TDP1: variants seen among roughly 807,000 people sequenced by gnomAD.
TDP1 encodes tyr-DNA phosphodiesterase 1.
A neutral mutation model predicts 81.5 loss-of-function variants in TDP1; 64 were observed. The observed-to-expected ratio is 0.79, with a 90% CI of 0.64 to 0.97. TDP1 has a LOEUF of 0.97. Ranked by LOEUF, TDP1 falls within the 50% of genes least tolerant of loss-of-function variation. TDP1 has a pLI of 0.00. For synonymous variants in TDP1, 256 were observed against 264.3 expected, an observed-to-expected ratio of 0.97 and a Z score of 0.30; for missense variants, 723 against 743.8, an observed-to-expected ratio of 0.97 and a Z score of 0.33.
At chr14:89,994,322 G>T (rs116515761) in intron 14 of TDP1, among the ~76,000 whole-genome samples, 27 of 152,286 alleles carry the variant, frequency 1.8e-4, no homozygotes, top group African/African-American at 6.3e-4. Context: ...AATTGTAGGG[G>T]CTGGCAAGTC....
At chr14:89,984,922 A>G in intron 9 of TDP1, 2 of 984,812 alleles carry the variant, frequency 2.0e-6, no homozygotes, top group African/African-American at 3.5e-5. Flanking sequence ...TCTCACAATT[A>G]TTGAGTTCTT....
rs533989568 is a variant in TDP1, at chr14:89,989,154, T to G, written c.1317+64T>G. 2.8e-4 allele frequency: 431 copies of G among 1,542,220 alleles called. 1 individual carries two copies. The African/African-American group carries it at 5.0e-3, about 18-fold the overall frequency. ...CTCTACACAGGAGAAGAATTGAAAA[T>G]TGGTCCTCTTTGTAATGGAGAGATG... is the stretch of plus-strand genomic sequence containing the variant. On this transcript the variant is annotated intron_variant, in intron 11 of 16. Coordinates refer to ENST00000335725, the MANE Select transcript of TDP1 (RefSeq NM_018319.4).
At chr14:89,965,860 T>C in intron 3 of TDP1, 1 of 985,080 alleles carries the variant, frequency 1.0e-6, no homozygotes, top group East Asian at 1.1e-4. Context: ...ATATGTATCA[T>C]TATTGTCCAT....
At chr14:89,965,232 G>A (rs1480526079) in intron 3 of TDP1, among the ~76,000 whole-genome samples, 1 of 151,736 alleles carries the variant, frequency 6.6e-6, no homozygotes, top group African/African-American at 2.4e-5. Flanking sequence ...CAGAAGATAG[G>A]AAGCACTCAG....
In TDP1 at chr14:89,988,895, T is replaced by A. The variant is rs759351712; in HGVS notation, c.1132-10T>A. 1 of 1,614,006 alleles carries A rather than the reference T, an allele frequency of 6.2e-7. No homozygotes were observed. The highest frequency in any genetic ancestry group is 1.1e-5 in the South Asian group (1 of 91,078). ...GAGTCACTTTAACATTCACTTTTAT[T>A]CTTTCCCAGCTTCTGAAAGACCATG... On this transcript the variant is annotated splice_polypyrimidine_tract_variant and intron_variant, in intron 10 of 16. Coordinates refer to ENST00000335725, the MANE Select transcript of TDP1 (RefSeq NM_018319.4).
intron 15 of TDP1, among the ~76,000 whole-genome samples, chr14:90,027,831 A>T (rs1236700713): frequency 1.3e-5 from 2 of 152,198 alleles, no homozygotes; most frequent in Non-Finnish European, 1.5e-5. Flanking sequence ...GTTATAACCC[A>T]TAAAGTGTTT....
intron 15 of TDP1, among the ~76,000 whole-genome samples, chr14:90,027,697 A>G (rs1886827099): frequency 6.6e-6 from 1 of 152,198 alleles, no homozygotes. Context: ...TGAGACAGAG[A>G]GGAGCTAGGA....
intron 3 of TDP1, chr14:89,964,953 G>A: frequency 2.6e-6 from 1 of 380,914 alleles, no homozygotes; most frequent in Non-Finnish European, 5.1e-6. Flanking sequence ...TGACATTCTG[G>A]CATCAGAATC....
At position 89,963,589 on chromosome 14, in the gene TDP1, G is replaced by A; in HGVS notation, c.475G>A (p.Asp159Asn). The A allele has an allele frequency of 6.2e-7, 1 of 1,614,100 alleles. No individual in the cohort carries two copies. Among genetic ancestry groups the A allele is most frequent in the Non-Finnish European group, 8.5e-7 (1 of 1,179,990 alleles). The change falls in exon 3 of 17, where the codon GAT becomes AAT. Residue 159 changes from aspartate to asparagine, a missense_variant. Coordinates refer to ENST00000335725, the MANE Select transcript of TDP1 (RefSeq NM_018319.4). Reference protein sequence around the residue: ...GEGQDIWDMLDKGNPFQFYLT... With the variant: ...GEGQDIWDMLNKGNPFQFYLT... ...GGGCCAGGACATTTGGGACATGCTG[G>A]ATAAAGGGAACCCCTTCCAGTTTTA...
Position 90,005,630 on chromosome 14 carries a change from G to A in TDP1, c.1541+12147G>A, listed in dbSNP as rs189332365. ...GTCCTTATTATAAGTGAAGAAATTG[G>A]TGACCTAAGTACTAACCACAAGGTA... On this transcript the variant is annotated intron_variant, in intron 14 of 16. Coordinates refer to ENST00000335725, the MANE Select transcript of TDP1 (RefSeq NM_018319.4). Among the ~76,000 whole-genome samples, 175 of 152,242 alleles carry A rather than the reference G, an allele frequency of 1.1e-3. 1 individual carries two copies. The highest frequency in any genetic ancestry group is 3.9e-3 in the African/African-American group (164 of 41,542).
chr14:90,005,771 G>C (rs1440296121), intron 14 of TDP1, among the ~76,000 whole-genome samples: 1 of 152,160 alleles, frequency 6.6e-6, no homozygotes, highest in Admixed American at 6.5e-5. Flanking sequence ...CATTTCATTA[G>C]AAAATAAAAC....
At chr14:90,022,864 G>A (rs1886240228) in intron 15 of TDP1, 2 of 554,676 alleles carry the variant, frequency 3.6e-6, no homozygotes, top group African/African-American at 2.1e-5. Context: ...TACGTGCACA[G>A]GAGTGAGATG....
chr14:89,991,009 C>T (rs1248729373), intron 12 of TDP1, among the ~76,000 whole-genome samples: 5 of 152,028 alleles, frequency 3.3e-5, no homozygotes, highest in South Asian at 4.1e-4. Context: ...GTTTACTGAA[C>T]GTTTTGTTTT....
At chr14:89,988,808 T>C (rs1287694868) in intron 10 of TDP1, 97 bp from the exon 11 acceptor site, 22 of 1,567,644 alleles carry the variant, frequency 1.4e-5, no homozygotes, top group Non-Finnish European at 1.8e-5. Context: ...TTCTTGTTAA[T>C]TAGGCTTTCC....
intron 15 of TDP1, among the ~76,000 whole-genome samples, chr14:90,020,953 G>A (rs1264206303): frequency 5.9e-5 from 9 of 151,334 alleles, no homozygotes; most frequent in African/African-American, 1.5e-4. Flanking sequence ...CTGCCACCAC[G>A]TCCAGCTAAT....
chr14:89,975,730 T>C, intron 6 of TDP1, 51 bp from the exon 7 acceptor site: 1 of 1,445,588 alleles, frequency 6.9e-7, no homozygotes, highest in South Asian at 1.1e-5. Context: ...TTCCAGTAGA[T>C]ATGGATATTA....
chr14:89,956,204 G>A (rs1351746629), intron 1 of TDP1: 2 of 152,386 alleles, frequency 1.3e-5, no homozygotes, highest in East Asian at 1.9e-4. Flanking sequence ...CGGGCGCTGC[G>A]GAGACCTGTG....
At position 89,988,969 on chromosome 14, in the gene TDP1, C is replaced by T; in HGVS notation, c.1196C>T (p.Ser399Leu). The change falls in exon 11 of 17, where the codon TCA becomes TTA. Residue 399 changes from serine (S) to leucine (L), a missense_variant. Coordinates refer to ENST00000335725, the MANE Select transcript of TDP1 (RefSeq NM_018319.4). ...AESWPVVGQFSSVGSLGADES... is the reference protein window; with the variant it reads ...AESWPVVGQFLSVGSLGADES... ...TCCTGGCCTGTCGTAGGTCAGTTTT[C>T]AAGCGTTGGCTCCTTGGGAGCCGAT... is the stretch of plus-strand genomic sequence containing the variant. The T allele has an allele frequency of 6.2e-7, 1 of 1,614,200 alleles. No homozygotes were observed. Among genetic ancestry groups the T allele is most frequent in the South Asian group, 1.1e-5 (1 of 91,086 alleles).
chr14:89,974,316 C>T lies in TDP1; in HGVS notation c.757-1465C>T, dbSNP rs72697379. On this transcript the variant is annotated intron_variant, in intron 6 of 16. Coordinates refer to ENST00000335725, the MANE Select transcript of TDP1 (RefSeq NM_018319.4). ...CCAGAAGCATGTAACTTTTAGCAAA[C>T]GAAACAAAAGCCAGGTCTCTTGACC... 8.5e-3 allele frequency among the ~76,000 whole-genome samples: 1,298 copies of T among 152,280 alleles called. 15 individuals are homozygous for T. The highest frequency in any genetic ancestry group is 0.011 in the Admixed American group (174 of 15,298).
Sources: allele counts gnomAD v4.1 joint callset (sites outside exome capture counted in the v4.1 genomes callset), GRCh38; gene constraint gnomAD v4.1.1; transcripts MANE v1.5; gene names NCBI Gene and HGNC (gene_info 2026-07-23, HGNC 2026-07-21).